The following PPP6C variants were observed in gnomAD, a reference collection of about 807,000 sequenced individuals.
The protein encoded by PPP6C is serine/threonine-protein phosphatase 6 catalytic subunit.
A neutral mutation model predicts 39.8 loss-of-function variants in PPP6C; 11 were observed. The ratio of observed to expected loss-of-function variants is 0.28; its 90% confidence interval spans 0.17 to 0.46. The LOEUF is 0.46. Ranked by LOEUF, PPP6C falls within the 20% of genes least tolerant of loss-of-function variation. PPP6C has a pLI of 1.00. For synonymous variants in PPP6C, 129 were observed against 130.3 expected, an observed-to-expected ratio of 0.99 and a Z score of 0.07; for missense variants, 211 against 373.9, an observed-to-expected ratio of 0.56 and a Z score of 3.59.
intron 1 of PPP6C, among the ~76,000 whole-genome samples, chr9:125,174,024 C>T (rs969672430): frequency 2.0e-5 from 3 of 152,184 alleles, no homozygotes; most frequent in African/African-American, 7.2e-5. Context: ...GATTCTCACA[C>T]CAACGTTCTG....
At chr9:125,157,931 C>T (rs928670189) in intron 4 of PPP6C, among the ~76,000 whole-genome samples, 9 of 151,998 alleles carry the variant, frequency 5.9e-5, no homozygotes, top group African/African-American at 1.5e-4. Flanking sequence ...TCTTGTGATC[C>T]GCCTGCCTCA....
At chr9:125,162,145 C>T (rs527609720) in intron 2 of PPP6C, among the ~76,000 whole-genome samples, 19 of 151,314 alleles carry the variant, frequency 1.3e-4, no homozygotes, top group African/African-American at 4.6e-4. Context: ...TGAAAATTAG[C>T]TAACAGGCCA....
chr9:125,147,332 CTAGA>C lies in PPP6C; in HGVS notation c.*2337_*2340del, dbSNP rs1835834214. On this transcript the variant is annotated 3_prime_UTR_variant, in exon 7 of 7. Coordinates refer to ENST00000373547, the MANE Select transcript of PPP6C (RefSeq NM_002721.5). ...CAACATAAGGGATTTTACATTCAGC[CTAGA>C]TATAGGGAGTAACAAATCCTCCTGC... is the stretch of plus-strand genomic sequence containing the variant. The C allele has an allele frequency of 1.3e-5, 2 of 152,102 alleles. No individual in the cohort carries two copies. The highest frequency in any genetic ancestry group is 2.1e-4 in the South Asian group (1 of 4,814). The allele number at this position is 152,102 out of a possible 1,614,324, so 9.4% of individuals were successfully genotyped here. A position where few individuals can be genotyped will look rare whatever the true frequency, so the allele number is the denominator to read the frequency against.
chr9:125,150,871 A>C, intron 6 of PPP6C: 1 of 811,962 alleles, frequency 1.2e-6, no homozygotes, highest in South Asian at 1.3e-5. Flanking sequence ...ATCATGACTA[A>C]TACCTGCAAG....
At position 125,188,859 on chromosome 9, in the gene PPP6C, A is replaced by C. The variant is rs190249386; in HGVS notation, c.75+785T>G. The C allele has an allele frequency of 8.3e-5, 97 of 1,163,636 alleles. No homozygotes were observed. The African/African-American group carries it at 1.4e-3, about 16-fold the overall frequency. 72.1% of individuals were successfully genotyped at this position (1,163,636 alleles called of 1,614,324 possible). A position where few individuals can be genotyped will look rare whatever the true frequency, so the allele number is the denominator to read the frequency against. ...AAAAGAAAAGCAGTATACCAAAGTC[A>C]TTCCTTTACCCATACATACATTTAC... On this transcript the variant is annotated intron_variant, in intron 1 of 6. Transcript: ENST00000373547.
At chr9:125,153,882 G>A in intron 5 of PPP6C, 24 bp downstream of exon 5, 1 of 1,572,918 alleles carries the variant, frequency 6.4e-7, no homozygotes, top group Non-Finnish European at 8.7e-7. Context: ...GAACGTACAT[G>A]AGACTTTAAA....
At chr9:125,163,084 A>G (rs1281429977) in intron 2 of PPP6C, among the ~76,000 whole-genome samples, 1 of 152,162 alleles carries the variant, frequency 6.6e-6, no homozygotes, top group Non-Finnish European at 1.5e-5. Flanking sequence ...GTCTCAAAAA[A>G]AAAAAAGTGT....
At chr9:125,176,759 C>T (rs1829306848) in intron 1 of PPP6C, among the ~76,000 whole-genome samples, 1 of 152,124 alleles carries the variant, frequency 6.6e-6, no homozygotes, top group South Asian at 2.1e-4. Context: ...AGTTAAGTGT[C>T]TTCTATAATA....
At chr9:125,184,042 T>C (rs1206919178) in intron 1 of PPP6C, among the ~76,000 whole-genome samples, 1 of 152,082 alleles carries the variant, frequency 6.6e-6, no homozygotes, top group Non-Finnish European at 1.5e-5. Flanking sequence ...GAGAATCACC[T>C]GAAGCATTTG....
chr9:125,175,292 A>G (rs1829271953), intron 1 of PPP6C, among the ~76,000 whole-genome samples: 1 of 152,058 alleles, frequency 6.6e-6, no homozygotes, highest in South Asian at 2.1e-4. Context: ...TTTATACTGA[A>G]AGATGTTCTC....
chr9:125,160,708 G>A (rs145426167), intron 3 of PPP6C, 133 bp downstream of exon 3: 10 of 562,994 alleles, frequency 1.8e-5, no homozygotes, highest in African/African-American at 2.0e-5. Flanking sequence ...GCGTGAAAAC[G>A]GACTAATACA....
At chr9:125,172,033 G>C in intron 1 of PPP6C, 4 of 455,010 alleles carry the variant, frequency 8.8e-6, no homozygotes, top group South Asian at 6.3e-5. Flanking sequence ...TTCAATGAGT[G>C]AATGGTTAAA....
At chr9:125,166,535 CTT>C (rs1169190980) in intron 2 of PPP6C, among the ~76,000 whole-genome samples, 15 of 134,416 alleles carry the variant, frequency 1.1e-4, no homozygotes, top group Admixed American at 1.5e-4. Flanking sequence ...TTTTCTTTTT[CTT>C]TTTTTTTTTT....
At chr9:125,167,068 T>C (rs1255123049) in intron 2 of PPP6C, among the ~76,000 whole-genome samples, 5 of 151,908 alleles carry the variant, frequency 3.3e-5, no homozygotes, top group African/African-American at 7.3e-5. Flanking sequence ...GCCTGGCTAA[T>C]TTTTTTCTTT....
intron 1 of PPP6C, among the ~76,000 whole-genome samples, chr9:125,184,966 C>CA (rs34609209): frequency 0.042 from 2,942 of 69,376 alleles, 114 homozygotes; most frequent in African/African-American, 0.11. Flanking sequence ...GATTCAGTCT[C>CA]AAAAAAAAAA....
rs1189030004 is a variant in PPP6C, at chr9:125,186,066, G to A, written c.75+3578C>T. On this transcript the variant is annotated intron_variant, in intron 1 of 6. Transcript: ENST00000373547. ...CGAAACAGAAATTGTGATTAAATCT[G>A]GAACATCGTATGCATTTAGTATTTT... Among the ~76,000 whole-genome samples the A allele has an allele frequency of 2.0e-5, 3 of 152,068 alleles. No individual in the cohort carries two copies. In the East Asian group the frequency reaches 5.8e-4, roughly 29 times the overall value.
At chr9:125,164,546 C>G (rs981932348) in intron 2 of PPP6C, among the ~76,000 whole-genome samples, 12 of 151,614 alleles carry the variant, frequency 7.9e-5, no homozygotes, top group Admixed American at 3.9e-4. Flanking sequence ...TTTCATATTT[C>G]AGATACTCTG....
chr9:125,146,640 T>G lies in PPP6C; in HGVS notation c.*3033A>C, dbSNP rs1043050064. 1 of 152,224 alleles carries G rather than the reference T, an allele frequency of 6.6e-6. No homozygotes were observed. Among genetic ancestry groups the G allele is most frequent in the African/African-American group, 2.4e-5 (1 of 41,464 alleles). 9.4% of individuals were successfully genotyped at this position (152,224 alleles called of 1,614,324 possible). ...CTTCTTGTCAGGACATACTACAGACTATGCATTGAATTTTTTGACAAACTT... is the reference window on the plus strand; with the variant it reads ...CTTCTTGTCAGGACATACTACAGACGATGCATTGAATTTTTTGACAAACTT... On this transcript the variant is annotated 3_prime_UTR_variant, in exon 7 of 7. Coordinates refer to ENST00000373547, the MANE Select transcript of PPP6C (RefSeq NM_002721.5).
chr9:125,185,302 T>G (rs1287030629), intron 1 of PPP6C, among the ~76,000 whole-genome samples: 1 of 151,122 alleles, frequency 6.6e-6, no homozygotes, highest in African/African-American at 2.4e-5. Flanking sequence ...TGGAGTGCAG[T>G]GGCATGATCT....
Sources: gnomAD v4.1 joint callset for allele counts (sites outside exome capture counted in the v4.1 genomes callset) on GRCh38, gnomAD v4.1.1 for gene constraint, MANE v1.5 for transcripts, NCBI Gene and HGNC (gene_info 2026-07-23, HGNC 2026-07-21) for gene names.